Variants in IFT43 observed in about 807,000 individuals in gnomAD.
IFT43 encodes the protein intraflagellar transport 43, also known as intraflagellar transport protein 43 homolog.
IFT43 carries 33 observed loss-of-function variants against 32.3 expected under a neutral mutation model. The observed-to-expected ratio is 1.02, with a 90% CI of 0.77 to 1.37. IFT43 has a LOEUF of 1.37. Ranked by LOEUF, IFT43 falls within the 40% of genes most tolerant of loss-of-function variation. The probability of loss-of-function intolerance (pLI) is 0.00; values close to 1 mark genes in which losing one functional copy is unlikely to be tolerated. For synonymous variants in IFT43, 93 were observed against 98.2 expected, an observed-to-expected ratio of 0.95 and a Z score of 0.31; for missense variants, 274 against 265.9, an observed-to-expected ratio of 1.03 and a Z score of -0.21.
intron 5 of IFT43, among the ~76,000 whole-genome samples, chr14:76,060,935 C>T (rs1303551766): frequency 6.6e-6 from 1 of 150,784 alleles, no homozygotes; most frequent in East Asian, 2.0e-4. Flanking sequence ...GGGTCTCACT[C>T]CATCGTCCAG....
chr14:75,986,316 C>T (rs2035526412), intron 1 of IFT43: 1 of 1,235,646 alleles, frequency 8.1e-7, no homozygotes, highest in Non-Finnish European at 1.0e-6. Context: ...CCGGTAATCC[C>T]CGTGGGGAGG....
chr14:76,025,102 C>T (rs1328477523), intron 3 of IFT43, among the ~76,000 whole-genome samples: 2 of 152,064 alleles, frequency 1.3e-5, no homozygotes, highest in Non-Finnish European at 2.9e-5. Flanking sequence ...ATATATATAC[C>T]AGTGGGATGG....
chr14:76,083,040 C>T, intron 7 of IFT43, 187 bp from the exon 8 acceptor site: 1 of 183,332 alleles, frequency 5.5e-6, no homozygotes, highest in Non-Finnish European at 1.0e-5. Flanking sequence ...ATGTGGGAAG[C>T]ATAGCCTTCC....
intron 3 of IFT43, among the ~76,000 whole-genome samples, chr14:76,032,787 G>C (rs998382226): frequency 6.6e-6 from 1 of 152,174 alleles, no homozygotes; most frequent in African/African-American, 2.4e-5. Context: ...GCCTAAACCA[G>C]GGCCATGTTG....
In IFT43 at chr14:75,985,843, G is replaced by T. The variant is rs777088575; in HGVS notation, c.54+3G>T. On this transcript the variant is annotated splice_donor_region_variant and intron_variant, in intron 1 of 8. Coordinates refer to ENST00000314067, the MANE Select transcript of IFT43 (RefSeq NM_001102564.3). ...TTCGCTACAGCTTGGCTACCTCCGT[G>T]AGGACCAATTCGGGGGCCTTGGGGG... 2 of 1,614,094 alleles carry T rather than the reference G, an allele frequency of 1.2e-6. No individual in the cohort carries two copies. Among genetic ancestry groups the T allele is most frequent in the Non-Finnish European group, 8.5e-7 (1 of 1,179,996 alleles).
intron 3 of IFT43, among the ~76,000 whole-genome samples, chr14:76,037,474 C>T (rs1201506586): frequency 6.6e-6 from 1 of 152,208 alleles, no homozygotes; most frequent in Non-Finnish European, 1.5e-5. Flanking sequence ...CATTTATTAA[C>T]AGAAATTCTT....
chr14:76,066,489 A>T (rs2037226305), intron 5 of IFT43, among the ~76,000 whole-genome samples: 1 of 152,260 alleles, frequency 6.6e-6, no homozygotes, highest in East Asian at 1.9e-4. Context: ...TCCATTATGC[A>T]GTAGGAATCA....
At chr14:76,055,769 A>G (rs181802352) in intron 3 of IFT43, among the ~76,000 whole-genome samples, 62 of 152,350 alleles carry the variant, frequency 4.1e-4, no homozygotes, top group African/African-American at 1.4e-3. Context: ...ATTTCTATAA[A>G]GAAATATACT....
intron 2 of IFT43, among the ~76,000 whole-genome samples, chr14:76,017,209 G>A (rs2036204856): frequency 6.6e-6 from 1 of 151,990 alleles, no homozygotes; most frequent in Non-Finnish European, 1.5e-5. Flanking sequence ...TTAAGTTGAG[G>A]ACTGATTTGT....
Position 76,078,723 on chromosome 14 carries a change from T to A in IFT43, c.296-3572T>A, listed in dbSNP as rs776777665. ...TGGGGCAGAGAGCAGTGCGGCCGTG[T>A]GACGGTGGCACTGCCTGCCGGGGAA... is the stretch of plus-strand genomic sequence containing the variant. On this transcript the variant is annotated intron_variant, in intron 5 of 8. Coordinates refer to ENST00000314067, the MANE Select transcript of IFT43 (RefSeq NM_001102564.3). 5.9e-5 allele frequency among the ~76,000 whole-genome samples: 9 copies of A among 152,334 alleles called. No homozygotes were observed. In the South Asian group the frequency reaches 1.0e-3, roughly 18 times the overall value.
Position 76,076,614 on chromosome 14 carries a change from A to G in IFT43, c.296-5681A>G, listed in dbSNP as rs755977535. On this transcript the variant is annotated intron_variant, in intron 5 of 8. Transcript: ENST00000314067. ...TGTTCTAGCGGTACCCAAACAGGCA[A>G]ACAACAGCTGGATCTGAACGCATGC... The G allele has an allele frequency of 4.5e-5, 72 of 1,614,062 alleles. No homozygotes were observed. Among genetic ancestry groups the G allele is most frequent in the Non-Finnish European group, 5.9e-5 (70 of 1,180,020 alleles).
At chr14:76,082,780 C>T (rs971316286) in intron 7 of IFT43, 88 bp downstream of exon 7, 23 of 998,232 alleles carry the variant, frequency 2.3e-5, no homozygotes, top group Non-Finnish European at 3.4e-5. Flanking sequence ...CCAAGCTATA[C>T]AGCGCCTCCA....
At chr14:76,000,365 C>T (rs1317654997) in intron 2 of IFT43, among the ~76,000 whole-genome samples, 2 of 150,514 alleles carry the variant, frequency 1.3e-5, no homozygotes, top group African/African-American at 2.4e-5. Context: ...TCTGGATTCA[C>T]GCCATTCTCC....
chr14:76,078,119 C>T (rs2111783), intron 5 of IFT43, among the ~76,000 whole-genome samples: 130,687 of 152,226 alleles, frequency 0.86, 56,266 homozygotes, highest in African/African-American at 0.89. Flanking sequence ...GTGATCCCAT[C>T]TGTGAGCATT....
intron 5 of IFT43, among the ~76,000 whole-genome samples, chr14:76,060,004 T>C (rs1431290893): frequency 6.6e-6 from 1 of 152,188 alleles, no homozygotes; most frequent in Admixed American, 6.5e-5. Context: ...ACACATGTTC[T>C]TTATCTTTGC....
intron 2 of IFT43, among the ~76,000 whole-genome samples, chr14:76,001,364 A>G (rs2035881970): frequency 6.6e-6 from 1 of 152,196 alleles, no homozygotes; most frequent in Non-Finnish European, 1.5e-5. Context: ...TTGTTAGGCA[A>G]TTTACCAGAA....
At chr14:76,001,784 C>T (rs1187791220) in intron 2 of IFT43, among the ~76,000 whole-genome samples, 1 of 152,058 alleles carries the variant, frequency 6.6e-6, no homozygotes. Flanking sequence ...CTGGTGAGGG[C>T]CTTTGTGCTG....
rs188032621 is a variant in IFT43, at chr14:76,026,796, G to A, written c.215+4402G>A. On this transcript the variant is annotated intron_variant, in intron 3 of 8. Transcript: ENST00000314067. ...TACATGTATGTGTATGTTCATTGCA[G>A]CACTATTTGCAATAGCAAAGACATG... Among the ~76,000 whole-genome samples the A allele has an allele frequency of 1.8e-3, 270 of 152,192 alleles. 2 individuals are homozygous for A. Among genetic ancestry groups the A allele is most frequent in the African/African-American group, 6.3e-3 (260 of 41,492 alleles).
intron 5 of IFT43, among the ~76,000 whole-genome samples, chr14:76,076,372 A>G (rs1353082172): frequency 6.6e-6 from 1 of 152,220 alleles, no homozygotes; most frequent in Non-Finnish European, 1.5e-5. Flanking sequence ...CCTATTCAGA[A>G]ATCCCCAACC....
Sources: gnomAD v4.1 joint callset for allele counts (sites outside exome capture counted in the v4.1 genomes callset) on GRCh38, gnomAD v4.1.1 for gene constraint, MANE v1.5 for transcripts, NCBI Gene and HGNC (gene_info 2026-07-23, HGNC 2026-07-21) for gene names.